The following BTBD7 variants were observed in gnomAD, a reference collection of about 807,000 sequenced individuals.
BTBD7 encodes the protein BTB/POZ domain-containing protein 7.
A neutral mutation model predicts 99.9 loss-of-function variants in BTBD7; 38 were observed. The observed-to-expected ratio is 0.38, with a 90% confidence interval of 0.29 to 0.50. The LOEUF is 0.50. Among genes scored for constraint, BTBD7 ranks in the 20% least tolerant of loss-of-function variants. The pLI, the probability that BTBD7 is intolerant of heterozygous loss-of-function variation, is 0.93. For synonymous variants in BTBD7, 520 were observed against 511.4 expected (o/e 1.02, Z -0.23); for missense variants, 1,170 against 1,394.6 (o/e 0.84, Z 2.57).
chr14:93,305,354 TAG>T lies in BTBD7; in HGVS notation c.-106-9199_-106-9198del, dbSNP rs542275657. 4.9e-3 allele frequency among the ~76,000 whole-genome samples: 747 copies of T among 152,330 alleles called. 6 individuals are homozygous for T. The highest frequency in any genetic ancestry group is 0.017 in the African/African-American group (725 of 41,582). On this transcript the variant is annotated intron_variant, in intron 1 of 10. Transcript: ENST00000334746. ...CTAAGTTTCTTCTGAAGTCTACACTTAGAGTCTTGTATATAGTGGTCCTTGTA... is the reference window on the plus strand; with the variant it reads ...CTAAGTTTCTTCTGAAGTCTACACTTAGTCTTGTATATAGTGGTCCTTGTA...
chr14:93,317,363 CTTT>C (rs35376162), intron 1 of BTBD7, among the ~76,000 whole-genome samples: 1 of 146,408 alleles, frequency 6.8e-6, no homozygotes, highest in Non-Finnish European at 1.5e-5. Flanking sequence ...AATGTTGATA[CTTT>C]TTTTTTTTTT....
intron 3 of BTBD7, among the ~76,000 whole-genome samples, chr14:93,279,245 T>C (rs1461510403): frequency 6.6e-6 from 1 of 152,244 alleles, no homozygotes; most frequent in East Asian, 1.9e-4. Flanking sequence ...TGTTTGCCTC[T>C]GTTGCCTCAT....
At chr14:93,300,105 T>C (rs978816507) in intron 1 of BTBD7, among the ~76,000 whole-genome samples, 3 of 152,178 alleles carry the variant, frequency 2.0e-5, no homozygotes, top group Non-Finnish European at 4.4e-5. Flanking sequence ...TAATTTACTA[T>C]GTATGTAGGA....
chr14:93,241,596 CTCTTTCCTGT>C lies in BTBD7; in HGVS notation c.*667_*676del, dbSNP rs1446837306. 1 of 152,426 alleles carries C rather than the reference CTCTTTCCTGT, an allele frequency of 6.6e-6. No individual in the cohort carries two copies. The highest frequency in any genetic ancestry group is 1.5e-5 in the Non-Finnish European group (1 of 68,252). The allele number at this position is 152,426 out of a possible 1,614,324, so 9.4% of individuals were successfully genotyped here. ...TTTAGCCTGGGCACAGAAGGCTTTT[CTCTTTCCTGT>C]TCTTTCCTGAACCAGCAAACTTCAG... is the stretch of plus-strand genomic sequence containing the variant. On this transcript the variant is annotated 3_prime_UTR_variant, in exon 11 of 11. Transcript: ENST00000334746.
rs570393766 is a variant in BTBD7, at chr14:93,301,518, T to TATAC, written c.-106-5362_-106-5361insGTAT. 2.7e-3 allele frequency among the ~76,000 whole-genome samples: 399 copies of TATAC among 148,894 alleles called. 1 individual carries two copies. The highest frequency in any genetic ancestry group is 8.6e-3 in the African/African-American group (351 of 40,704). The stretch of plus-strand genomic sequence containing the variant: ...AAATATTTTTACATATATATATATA[T>TATAC]ACACACACACATATACATAAAATTA... On this transcript the variant is annotated intron_variant, in intron 1 of 10. Coordinates refer to ENST00000334746, the MANE Select transcript of BTBD7 (RefSeq NM_001002860.4).
intron 1 of BTBD7, among the ~76,000 whole-genome samples, chr14:93,316,837 T>C (rs913569055): frequency 1.1e-4 from 17 of 152,050 alleles, no homozygotes; most frequent in African/African-American, 3.6e-4. Flanking sequence ...CCATGTAACA[T>C]AGACAATTGT....
intron 1 of BTBD7, among the ~76,000 whole-genome samples, chr14:93,303,074 G>A (rs768355361): frequency 1.1e-4 from 17 of 152,118 alleles, no homozygotes; most frequent in Non-Finnish European, 2.2e-4. Context: ...CACAATAGAG[G>A]AACTACTGGA....
At chr14:93,288,869 T>A in intron 3 of BTBD7, 3 of 1,048,760 alleles carry the variant, frequency 2.9e-6, no homozygotes, top group Non-Finnish European at 4.0e-6. Flanking sequence ...CTGGCTGGTA[T>A]TACAGCAGGG....
chr14:93,244,837 C>T (rs1371408548), intron 10 of BTBD7, among the ~76,000 whole-genome samples: 1 of 147,404 alleles, frequency 6.8e-6, no homozygotes, highest in South Asian at 2.2e-4. Flanking sequence ...AGTATGAAGA[C>T]TTACAAATCT....
Position 93,245,824 on chromosome 14 carries a change from C to T in BTBD7, c.2583+1G>A. ...AGCAAGTTACTGAAGTGTTGACTTA[C>T]CACTTGCTTCTCAGATGCTGCTGCT... On this transcript the variant is annotated splice_donor_variant, in intron 10 of 10. Transcript: ENST00000334746. LOFTEE classifies it high-confidence loss of function. The T allele has an allele frequency of 6.2e-7, 1 of 1,610,616 alleles. No individual in the cohort carries two copies. The highest frequency in any genetic ancestry group is 8.5e-7 in the Non-Finnish European group (1 of 1,178,360).
intron 3 of BTBD7, among the ~76,000 whole-genome samples, chr14:93,274,257 A>T (rs1195336053): frequency 1.3e-5 from 2 of 152,332 alleles, no homozygotes; most frequent in African/African-American, 2.4e-5. Context: ...GTGATGCAAG[A>T]AGTAGACTAA....
chr14:93,309,659 C>T (rs1321840340), intron 1 of BTBD7, among the ~76,000 whole-genome samples: 5 of 152,008 alleles, frequency 3.3e-5, no homozygotes. Context: ...TATCACCCAA[C>T]TGAGGTAAAG....
intron 3 of BTBD7, among the ~76,000 whole-genome samples, chr14:93,281,868 T>C (rs2052724676): frequency 6.6e-6 from 1 of 152,250 alleles, no homozygotes; most frequent in African/African-American, 2.4e-5. Context: ...GTTTTTGAAA[T>C]GAATTAATTC....
In BTBD7 at chr14:93,283,237, C is replaced by T. The variant is rs1045207970; in HGVS notation, c.1162+10621G>A. Among the ~76,000 whole-genome samples, 6 of 152,086 alleles carry T rather than the reference C, an allele frequency of 3.9e-5. No individual in the cohort carries two copies. In the South Asian group the frequency reaches 6.2e-4, roughly 16 times the overall value. On this transcript the variant is annotated intron_variant, in intron 3 of 10. Coordinates refer to ENST00000334746, the MANE Select transcript of BTBD7 (RefSeq NM_001002860.4). ...AGACTACAAGTGTGTGCCACCCACT[C>T]GGCTAATTTCTTTCTATTCTTTTTA... is the stretch of plus-strand genomic sequence containing the variant.
intron 5 of BTBD7, 21 bp from the exon 6 acceptor site, chr14:93,257,376 A>G (rs1485573219): frequency 1.3e-6 from 2 of 1,582,486 alleles, no homozygotes; most frequent in Non-Finnish European, 1.7e-6. Flanking sequence ...GAAAATGAAA[A>G]GTTTCCAACC....
chr14:93,264,050 T>C (rs1332219996), intron 3 of BTBD7, 57 bp from the exon 4 acceptor site: 13 of 1,479,940 alleles, frequency 8.8e-6, no homozygotes, highest in African/African-American at 2.8e-5. Flanking sequence ...TTATTGAACA[T>C]TAGTGTGCTA....
intron 3 of BTBD7, among the ~76,000 whole-genome samples, chr14:93,293,190 C>T (rs534286989): frequency 1.3e-5 from 2 of 152,270 alleles, no homozygotes; most frequent in South Asian, 4.1e-4. Flanking sequence ...ATGTATACTT[C>T]TTTTAATGTA....
chr14:93,247,545 C>T (rs2052327056), intron 9 of BTBD7, among the ~76,000 whole-genome samples: 1 of 152,182 alleles, frequency 6.6e-6, no homozygotes, highest in East Asian at 1.9e-4. Flanking sequence ...AGGGTTTCAC[C>T]ATGTTGGCAA....
chr14:93,284,473 AAG>A (rs1418857071), intron 3 of BTBD7, among the ~76,000 whole-genome samples: 1 of 149,914 alleles, frequency 6.7e-6, no homozygotes, highest in African/African-American at 2.5e-5. Flanking sequence ...TTTTTTTTTA[AAG>A]AAAAGGTTAC....
Sources: gnomAD v4.1 joint callset for allele counts (sites outside exome capture counted in the v4.1 genomes callset) on GRCh38, gnomAD v4.1.1 for gene constraint, MANE v1.5 for transcripts, NCBI Gene and HGNC (gene_info 2026-07-23, HGNC 2026-07-21) for gene names.